KCNQ3: variants seen among roughly 807,000 people sequenced by gnomAD.
KCNQ3 encodes potassium voltage-gated channel subfamily Q member 3.
A neutral mutation model predicts 92.5 loss-of-function variants in KCNQ3; 30 were observed. The ratio of observed to expected loss-of-function variants is 0.32; its 90% CI spans 0.24 to 0.44. The LOEUF is 0.44. Among genes scored for constraint, KCNQ3 ranks in the 20% least tolerant of loss-of-function variants. The pLI, the probability that KCNQ3 is intolerant of heterozygous loss-of-function variation, is 1.00. For missense variants in KCNQ3, 913 were observed against 1,140.3 expected (o/e 0.80, Z 2.87); for synonymous variants, 450 against 468.8 (o/e 0.96, Z 0.52).
chr8:132,180,382 G>A (rs759420902), intron 3 of KCNQ3, 53 bp from the exon 4 acceptor site: 59 of 1,594,644 alleles, frequency 3.7e-5, no homozygotes, highest in African/African-American at 9.4e-5. Context: ...AAGGTCATGC[G>A]AAAGCAATGG....
intron 8 of KCNQ3, among the ~76,000 whole-genome samples, chr8:132,165,296 A>C (rs903408783): frequency 2.0e-5 from 3 of 152,246 alleles, no homozygotes; most frequent in Non-Finnish European, 4.4e-5. Flanking sequence ...TTATGATAGG[A>C]AAGGACCAGT....
rs1563795845 is a variant in KCNQ3 at position 132,187,862 on chromosome 8, T to TGGC, written c.387-1682_387-1681insGCC. Among the ~76,000 whole-genome samples, 27 of 104,830 alleles carry TGGC rather than the reference T, an allele frequency of 2.6e-4. 1 individual carries two copies. Among genetic ancestry groups the TGGC allele is most frequent in the African/African-American group, 4.5e-4 (9 of 19,850 alleles). 68.8% of individuals were successfully genotyped at this position (104,830 alleles called of 152,430 possible). ...GTGGTGGTGGTGGTAGTGATGGTGGTGGTGGTGGTGATAGTGATGGTGGCG... is the reference window on the plus strand; with the variant it reads ...GTGGTGGTGGTGGTAGTGATGGTGGTGGCGGTGGTGGTGATAGTGATGGTGGCG... On this transcript the variant is annotated intron_variant, in intron 1 of 14. Transcript: ENST00000388996.
chr8:132,225,060 A>G (rs1814366204), intron 1 of KCNQ3, among the ~76,000 whole-genome samples: 1 of 152,202 alleles, frequency 6.6e-6, no homozygotes, highest in Non-Finnish European at 1.5e-5. Context: ...GAATAGACCC[A>G]CCAGTTTGTC....
chr8:132,147,260 A>G (rs1481299998), intron 9 of KCNQ3, among the ~76,000 whole-genome samples: 1 of 152,186 alleles, frequency 6.6e-6, no homozygotes, highest in Non-Finnish European at 1.5e-5. Flanking sequence ...GGCTGTGAGG[A>G]AAAAGATTGA....
At chr8:132,267,155 T>G (rs914095683) in intron 1 of KCNQ3, among the ~76,000 whole-genome samples, 1 of 152,164 alleles carries the variant, frequency 6.6e-6, no homozygotes, top group Non-Finnish European at 1.5e-5. Flanking sequence ...TAATACCAAG[T>G]GCCACCTTCA....
At chr8:132,439,700 G>A (rs954672219) in intron 1 of KCNQ3, among the ~76,000 whole-genome samples, 1 of 152,118 alleles carries the variant, frequency 6.6e-6, no homozygotes, top group African/African-American at 2.4e-5. Flanking sequence ...GGAGCCATGA[G>A]CTGAGGAATG....
chr8:132,441,240 C>A (rs900686651), intron 1 of KCNQ3, among the ~76,000 whole-genome samples: 1 of 152,212 alleles, frequency 6.6e-6, no homozygotes, highest in Non-Finnish European at 1.5e-5. Context: ...TGTGTCTTTA[C>A]AATAGAATGA....
chr8:132,244,076 T>C (rs567449948), intron 1 of KCNQ3, among the ~76,000 whole-genome samples: 2 of 152,298 alleles, frequency 1.3e-5, no homozygotes, highest in Non-Finnish European at 1.5e-5. Flanking sequence ...CTGAGGCCCC[T>C]GGTCCTCCTA....
chr8:132,421,468 T>C (rs1043139719), intron 1 of KCNQ3, among the ~76,000 whole-genome samples: 1 of 152,016 alleles, frequency 6.6e-6, no homozygotes, highest in African/African-American at 2.4e-5. Context: ...TCTTCAAATC[T>C]ACAGGAAGAG....
intron 8 of KCNQ3, among the ~76,000 whole-genome samples, chr8:132,164,681 G>A (rs1049401875): frequency 6.6e-6 from 1 of 152,166 alleles, no homozygotes; most frequent in South Asian, 2.1e-4. Flanking sequence ...GCCAGGAGAA[G>A]TAGGAAAGGT....
intron 1 of KCNQ3, among the ~76,000 whole-genome samples, chr8:132,369,045 C>A (rs1323421331): frequency 6.6e-6 from 1 of 152,156 alleles, no homozygotes; most frequent in Non-Finnish European, 1.5e-5. Flanking sequence ...TTGAGAGATA[C>A]CAGTCAGGTA....
rs1563756535 is a variant in KCNQ3, at chr8:132,123,398, T to C, written c.*5864A>G. The C allele has an allele frequency of 6.6e-6, 1 of 152,216 alleles. No homozygotes were observed. Among genetic ancestry groups the C allele is most frequent in the Non-Finnish European group, 1.5e-5 (1 of 68,072 alleles). 9.4% of individuals were successfully genotyped at this position (152,216 alleles called of 1,614,324 possible). On this transcript the variant is annotated 3_prime_UTR_variant, in exon 15 of 15. Coordinates refer to ENST00000388996, the MANE Select transcript of KCNQ3 (RefSeq NM_004519.4). Reference sequence around the variant, plus strand: ...GCAGCAGTGGTTTTTGCTAGGCCTTTTGAAGACAGCAGGAATCTGGGAGAA... The same window carrying C: ...GCAGCAGTGGTTTTTGCTAGGCCTTCTGAAGACAGCAGGAATCTGGGAGAA...
intron 1 of KCNQ3, among the ~76,000 whole-genome samples, chr8:132,189,255 C>A (rs1388931504): frequency 3.3e-5 from 5 of 152,198 alleles, no homozygotes; most frequent in African/African-American, 4.8e-5. Context: ...CCTTCCCTGA[C>A]CCCAGCTGCT....
intron 1 of KCNQ3, among the ~76,000 whole-genome samples, chr8:132,401,871 T>C (rs115203320): frequency 0.011 from 1,625 of 152,298 alleles, 25 homozygotes; most frequent in African/African-American, 0.037. Context: ...AGGGGCTAAC[T>C]AGATTTGGCC....
intron 1 of KCNQ3, among the ~76,000 whole-genome samples, chr8:132,193,263 C>G (rs1053788094): frequency 6.6e-6 from 1 of 152,228 alleles, no homozygotes; most frequent in Non-Finnish European, 1.5e-5. Flanking sequence ...TCCATCACCT[C>G]CATGCTTCCA....
At chr8:132,398,120 A>T (rs1820240443) in intron 1 of KCNQ3, among the ~76,000 whole-genome samples, 1 of 152,206 alleles carries the variant, frequency 6.6e-6, no homozygotes, top group Non-Finnish European at 1.5e-5. Context: ...ATTTTTTTAA[A>T]TCATCAAGTT....
At position 132,129,070 on chromosome 8, in the gene KCNQ3, A is replaced by G; in HGVS notation, c.*192T>C. Reference sequence around the variant, plus strand: ...GTAAAGTCATGCAAACCATGCTGAAAAGGAAGCACTTTGTTGTGGTGACAT... The same window carrying G: ...GTAAAGTCATGCAAACCATGCTGAAGAGGAAGCACTTTGTTGTGGTGACAT... On this transcript the variant is annotated 3_prime_UTR_variant, in exon 15 of 15. Coordinates refer to ENST00000388996, the MANE Select transcript of KCNQ3 (RefSeq NM_004519.4). This position sits in a 1 kb window ranked among gnomAD's most constrained non-coding sequence, Gnocchi z 5.9. 1.6e-6 allele frequency: 1 copy of G among 624,346 alleles called. No individual in the cohort carries two copies. The highest frequency in any genetic ancestry group is 4.3e-4 in the Middle Eastern group (1 of 2,318). The allele number at this position is 624,346 out of a possible 1,614,324, so 38.7% of individuals were successfully genotyped here.
At chr8:132,351,003 A>G (rs1004203211) in intron 1 of KCNQ3, among the ~76,000 whole-genome samples, 1 of 151,934 alleles carries the variant, frequency 6.6e-6, no homozygotes, top group African/African-American at 2.4e-5. Context: ...CTCGCACCCC[A>G]CCACTAATAA....
chr8:132,363,868 A>G (rs746633204), intron 1 of KCNQ3, among the ~76,000 whole-genome samples: 5 of 151,736 alleles, frequency 3.3e-5, no homozygotes, highest in Non-Finnish European at 7.4e-5. Context: ...GTGAATTTTA[A>G]GCCAGGCTGT....
Sources: gnomAD v4.1 joint callset for allele counts (sites outside exome capture counted in the v4.1 genomes callset) on GRCh38, gnomAD v4.1.1 for gene constraint, Gnocchi (gnomAD v3.1) non-coding constraint, MANE v1.5 for transcripts, NCBI Gene and HGNC (gene_info 2026-07-23, HGNC 2026-07-21) for gene names.